The following DIP2A variants were observed in gnomAD, a reference collection of about 807,000 sequenced individuals.
DIP2A encodes the protein DIP2 acetate--CoA ligase A, also known as disco-interacting protein 2 homolog A.
Under a neutral mutation model 177.4 loss-of-function variants are expected in DIP2A, and 85 were observed. That is an observed-to-expected ratio of 0.48 (90% CI 0.40 to 0.57). The LOEUF (loss-of-function observed/expected upper bound fraction) is 0.57, where lower values mean the gene tolerates loss of function less well. Ranked by LOEUF, DIP2A falls within the 20% of genes least tolerant of loss-of-function variation. DIP2A has a pLI of 0.00. For missense variants in DIP2A, 1,791 were observed against 2,100.2 expected, an observed-to-expected ratio of 0.85 and a Z score of 2.88; for synonymous variants, 886 against 881.8, an observed-to-expected ratio of 1.00 and a Z score of -0.08.
rs764884297 is a variant in DIP2A, at chr21:46,459,230, G to C, written c.91+8G>C. 2.6e-6 allele frequency: 4 copies of C among 1,521,102 alleles called. No homozygotes were observed. Among genetic ancestry groups the C allele is most frequent in the Non-Finnish European group, 2.6e-6 (3 of 1,135,202 alleles). The allele number at this position is 1,521,102 out of a possible 1,614,324, so 94.2% of individuals were successfully genotyped here. On this transcript the variant is annotated splice_region_variant and intron_variant, in intron 1 of 37. Transcript: ENST00000417564. ...AGCTGGAGCTGTCGGAAGGTGAGCCGGACCCCGCCCTCAACCCCCGCGACC... is the reference window on the plus strand; with the variant it reads ...AGCTGGAGCTGTCGGAAGGTGAGCCCGACCCCGCCCTCAACCCCCGCGACC...
chr21:46,549,986 C>T, intron 22 of DIP2A, 101 bp downstream of exon 22: 1 of 1,560,702 alleles, frequency 6.4e-7, no homozygotes, highest in Non-Finnish European at 8.7e-7. Flanking sequence ...CCCGGTCCTC[C>T]CTGGCTCCAG....
At position 46,554,034 on chromosome 21, in the gene DIP2A, G is replaced by A. The variant is rs1010486132; in HGVS notation, c.3031-135G>A. ...AGACACCAGCCGTACGTCTAGGACT[G>A]ACACATTGTCATTATCATGGACGCT... On this transcript the variant is annotated intron_variant, in intron 25 of 37. Transcript: ENST00000417564. 3 of 1,234,878 alleles carry A rather than the reference G, an allele frequency of 2.4e-6. No individual in the cohort carries two copies. In the African/African-American group the frequency reaches 4.6e-5, roughly 19 times the overall value. 76.5% of individuals were successfully genotyped at this position (1,234,878 alleles called of 1,614,324 possible). A position where few individuals can be genotyped will look rare whatever the true frequency, so the allele number is the denominator to read the frequency against.
intron 5 of DIP2A, among the ~76,000 whole-genome samples, chr21:46,503,403 TA>T (rs1194846599): frequency 6.6e-6 from 1 of 152,200 alleles, no homozygotes; most frequent in East Asian, 1.9e-4. Context: ...GGGGAAGTTT[TA>T]ATTTCTGTAG....
In DIP2A at chr21:46,567,748, A is replaced by C. The variant is rs1465529327; in HGVS notation, c.*126A>C. On this transcript the variant is annotated 3_prime_UTR_variant, in exon 38 of 38. Coordinates refer to ENST00000417564, the MANE Select transcript of DIP2A (RefSeq NM_015151.4). ...TCCTGTGCTCTTACAGATCCCTCTC[A>C]ACAATCCCCGCATCTCCTTTTAGAA... The C allele has an allele frequency of 1.7e-6, 2 of 1,176,488 alleles. No individual in the cohort carries two copies. Among genetic ancestry groups the C allele is most frequent in the Non-Finnish European group, 2.3e-6 (2 of 864,054 alleles). 72.9% of individuals were successfully genotyped at this position (1,176,488 alleles called of 1,614,324 possible).
At chr21:46,546,310 C>T (rs1601785993) in intron 20 of DIP2A, 3 of 1,057,742 alleles carry the variant, frequency 2.8e-6, no homozygotes, top group Non-Finnish European at 2.3e-6. Flanking sequence ...TTTGTAACAT[C>T]TTGGCCCAGT....
intron 1 of DIP2A, among the ~76,000 whole-genome samples, chr21:46,484,488 A>G (rs1484673624): frequency 6.6e-6 from 1 of 152,186 alleles, no homozygotes; most frequent in Non-Finnish European, 1.5e-5. Flanking sequence ...ATGTCATAAA[A>G]GTTGAGTATT....
At position 46,567,938 on chromosome 21, in the gene DIP2A, T is replaced by A. The variant is rs1383601629; in HGVS notation, c.*316T>A. The stretch of plus-strand genomic sequence containing the variant: ...GCACCGAGGTTGTTCTCTGCTGTAC[T>A]GCAAGTTTGCACTTTCTTTAGGCTA... On this transcript the variant is annotated 3_prime_UTR_variant, in exon 38 of 38. Coordinates refer to ENST00000417564, the MANE Select transcript of DIP2A (RefSeq NM_015151.4). The A allele has an allele frequency of 3.6e-6, 1 of 276,676 alleles. No individual in the cohort carries two copies. The highest frequency in any genetic ancestry group is 6.7e-6 in the Non-Finnish European group (1 of 148,900). 17.1% of individuals were successfully genotyped at this position (276,676 alleles called of 1,614,324 possible). A position where few individuals can be genotyped will look rare whatever the true frequency, so the allele number is the denominator to read the frequency against.
chr21:46,523,393 A>ATTTTTTTTTTTT (rs61370008), intron 8 of DIP2A, among the ~76,000 whole-genome samples: 652 of 89,868 alleles, frequency 7.3e-3, no homozygotes, highest in Middle Eastern at 0.011. Context: ...CGCCTGGCTA[A>ATTTTTTTTTTTT]TTTTTTTTTT....
Position 46,526,863 on chromosome 21 carries a change from A to C in DIP2A, c.1103-2229A>C, listed in dbSNP as rs2034249987. On this transcript the variant is annotated intron_variant, in intron 8 of 37. Coordinates refer to ENST00000417564, the MANE Select transcript of DIP2A (RefSeq NM_015151.4). The stretch of plus-strand genomic sequence containing the variant: ...TGTTCAGCTTTTTCTCCCTTTTTGC[A>C]CTGGCTAAGCCTTTCAGTAAAATGC... Among the ~76,000 whole-genome samples the C allele has an allele frequency of 2.0e-5, 3 of 152,206 alleles. No homozygotes were observed. The South Asian group carries it at 6.2e-4, about 31-fold the overall frequency.
At chr21:46,565,634 T>G in intron 35 of DIP2A, 79 bp from the exon 36 acceptor site, 1 of 1,409,986 alleles carries the variant, frequency 7.1e-7, no homozygotes. Flanking sequence ...GCATTATTCT[T>G]GGCCAGTGGA....
At position 46,549,761 on chromosome 21, in the gene DIP2A, C is replaced by G. The variant is rs766264704; in HGVS notation, c.2523-10C>G. On this transcript the variant is annotated splice_polypyrimidine_tract_variant and intron_variant, in intron 21 of 37. Coordinates refer to ENST00000417564, the MANE Select transcript of DIP2A (RefSeq NM_015151.4). ...TTGCCGTGTGGCCATTTCCATGTCT[C>G]ATCCCGCAGGATCGCTGTGTTCTCT... is the stretch of plus-strand genomic sequence containing the variant. 1.2e-6 allele frequency: 2 copies of G among 1,613,452 alleles called. No homozygotes were observed. Among genetic ancestry groups the G allele is most frequent in the South Asian group, 2.2e-5 (2 of 91,078 alleles).
intron 8 of DIP2A, among the ~76,000 whole-genome samples, chr21:46,518,304 C>T (rs1382377493): frequency 6.6e-6 from 1 of 152,118 alleles, no homozygotes; most frequent in African/African-American, 2.4e-5. Flanking sequence ...GTTATGGGCA[C>T]CTTCACATTG....
At chr21:46,571,267 C>T (rs1202049775), downstream of DIP2A, among the ~76,000 whole-genome samples, 1 of 152,174 alleles carries the variant, frequency 6.6e-6, no homozygotes, top group Non-Finnish European at 1.5e-5. Context: ...GTCCTGTGCC[C>T]CCTGGTCTGT....
chr21:46,535,723 C>A (rs568786134), intron 13 of DIP2A, among the ~76,000 whole-genome samples: 2 of 152,194 alleles, frequency 1.3e-5, no homozygotes, highest in African/African-American at 4.8e-5. Flanking sequence ...TCTTTCAGAT[C>A]AAGCCCCGTG....
chr21:46,460,600 G>T (rs2054208422), intron 1 of DIP2A, among the ~76,000 whole-genome samples: 1 of 152,196 alleles, frequency 6.6e-6, no homozygotes, highest in Non-Finnish European at 1.5e-5. Context: ...TAGGGAGGTA[G>T]ATGCTGTTGT....
intron 1 of DIP2A, among the ~76,000 whole-genome samples, chr21:46,468,587 G>A (rs2055069161): frequency 6.6e-6 from 1 of 152,162 alleles, no homozygotes; most frequent in African/African-American, 2.4e-5. Context: ...TATAGTTTCA[G>A]TTATACAGGA....
the DIP2A span, among the ~76,000 whole-genome samples, chr21:46,575,088 TG>T: frequency 6.6e-6 from 1 of 152,170 alleles, no homozygotes; most frequent in East Asian, 1.9e-4. Context: ...CATTACAAAG[TG>T]GGGTTTACTC....
intron 5 of DIP2A, among the ~76,000 whole-genome samples, chr21:46,503,651 TTTTCTTTCTTTCTTTTTC>T (rs1213912432): frequency 4.2e-5 from 4 of 95,978 alleles, no homozygotes; most frequent in Non-Finnish European, 8.8e-5. Context: ...CTTTCTTTCT[TTTTCTTTCTTTCTTTTTC>T]TTTCTTTCTT....
chr21:46,540,008 C>G lies in DIP2A; in HGVS notation c.2036+17C>G, dbSNP rs2059746906. The G allele has an allele frequency of 6.3e-7, 1 of 1,596,946 alleles. No individual in the cohort carries two copies. ...CATCCGCAGGTAACCTTATTCCTTG[C>G]TATGTCTCATGAGCACTTAGTTGAA... On this transcript the variant is annotated intron_variant, in intron 17 of 37. Transcript: ENST00000417564.
Sources: gnomAD v4.1 joint callset for allele counts (sites outside exome capture counted in the v4.1 genomes callset) on GRCh38, gnomAD v4.1.1 for gene constraint, MANE v1.5 for transcripts, NCBI Gene and HGNC (gene_info 2026-07-23, HGNC 2026-07-21) for gene names.